Variants in ADAMTSL1 observed in about 807,000 individuals in gnomAD.
The protein encoded by ADAMTSL1 is ADAMTS-like protein 1.
A neutral mutation model predicts 201.8 loss-of-function variants in ADAMTSL1; 126 were observed. The observed-to-expected ratio is 0.62, with a 90% CI of 0.54 to 0.72. ADAMTSL1 has a LOEUF of 0.72. ADAMTSL1 is among the 30% of genes least tolerant of loss of function. The pLI is 0.00. For missense variants in ADAMTSL1, 2,679 were observed against 2,277.8 expected (o/e 1.18, Z -3.59); for synonymous variants, 1,121 against 903.4 (o/e 1.24, Z -4.32).
chr9:17,996,017 CT>C (rs1255916592), intron 1 of ADAMTSL1, among the ~76,000 whole-genome samples: 1 of 152,004 alleles, frequency 6.6e-6, no homozygotes, highest in East Asian at 1.9e-4. Flanking sequence ...AAAGCAAGTG[CT>C]TTATAAATGT....
intron 1 of ADAMTSL1, among the ~76,000 whole-genome samples, chr9:18,065,368 C>G (rs1359725372): frequency 6.6e-6 from 1 of 152,146 alleles, no homozygotes; most frequent in Non-Finnish European, 1.5e-5. Flanking sequence ...TGTGGATTAA[C>G]TCATGGTGTT....
intron 1 of ADAMTSL1, among the ~76,000 whole-genome samples, chr9:18,049,022 T>C (rs1490993322): frequency 6.6e-6 from 1 of 152,156 alleles, no homozygotes; most frequent in African/African-American, 2.4e-5. Context: ...CTGTCATTCA[T>C]GGTGTTTCTT....
chr9:18,866,478 G>C (rs1449604059), intron 23 of ADAMTSL1, among the ~76,000 whole-genome samples: 1 of 152,222 alleles, frequency 6.6e-6, no homozygotes, highest in African/African-American at 2.4e-5. Context: ...GCAGATGGCT[G>C]ACAATTTTGT....
At chr9:18,212,778 C>T (rs866803853) in intron 2 of ADAMTSL1, among the ~76,000 whole-genome samples, 2 of 152,180 alleles carry the variant, frequency 1.3e-5, no homozygotes, top group South Asian at 2.1e-4. Flanking sequence ...TGCCTTTTGC[C>T]TTTTTGGTGT....
chr9:18,737,212 G>A (rs941565163), intron 15 of ADAMTSL1, among the ~76,000 whole-genome samples: 14 of 151,652 alleles, frequency 9.2e-5, no homozygotes, highest in South Asian at 2.1e-4. Context: ...CCAGCTACTC[G>A]GGAGGCTGAG....
At position 18,206,707 on chromosome 9, in the gene ADAMTSL1, G is replaced by T. The variant is rs976786425; in HGVS notation, c.207+42726G>T. On this transcript the variant is annotated intron_variant, in intron 2 of 29. Transcript: ENST00000680146. ...AAAATATTTGTTGATGCTTCTTTGAGAATATGAATTCCTTATAAACAGAAG... is the reference window on the plus strand; with the variant it reads ...AAAATATTTGTTGATGCTTCTTTGATAATATGAATTCCTTATAAACAGAAG... Among the ~76,000 whole-genome samples the T allele has an allele frequency of 5.3e-5, 8 of 152,130 alleles. No individual in the cohort carries two copies. In the East Asian group the frequency reaches 1.5e-3, roughly 29 times the overall value.
intron 13 of ADAMTSL1, among the ~76,000 whole-genome samples, chr9:18,693,456 T>C (rs1831360011): frequency 6.6e-6 from 1 of 152,212 alleles, no homozygotes; most frequent in Non-Finnish European, 1.5e-5. Flanking sequence ...AACCTTTTCC[T>C]GCTGTAGGAG....
intron 1 of ADAMTSL1, among the ~76,000 whole-genome samples, chr9:18,032,729 T>C (rs1219612944): frequency 1.3e-5 from 2 of 152,132 alleles, no homozygotes; most frequent in East Asian, 3.9e-4. Flanking sequence ...TCCAGGCAGA[T>C]CCCCTTGCCA....
chr9:18,104,546 G>T (rs746769859), intron 1 of ADAMTSL1, among the ~76,000 whole-genome samples: 6 of 152,082 alleles, frequency 3.9e-5, no homozygotes, highest in Non-Finnish European at 8.8e-5. Flanking sequence ...GTAGGTACAC[G>T]TGGACATAGA....
intron 1 of ADAMTSL1, among the ~76,000 whole-genome samples, chr9:18,036,803 A>G (rs1821218942): frequency 6.6e-6 from 1 of 152,160 alleles, no homozygotes; most frequent in Non-Finnish European, 1.5e-5. Context: ...ATAGGTAGAA[A>G]TTTGCTTTAA....
At chr9:18,558,106 C>T (rs1415910153) in intron 3 of ADAMTSL1, among the ~76,000 whole-genome samples, 1 of 152,074 alleles carries the variant, frequency 6.6e-6, no homozygotes, top group African/African-American at 2.4e-5. Context: ...GTTTGCTGCA[C>T]CCATCAACCC....
chr9:18,875,308 G>T lies in ADAMTSL1; in HGVS notation c.4250-12523G>T, dbSNP rs1004161926. On this transcript the variant is annotated intron_variant, in intron 23 of 28. Coordinates refer to ENST00000380548, the MANE Select transcript of ADAMTSL1 (RefSeq NM_001040272.6). ...CTTCTGCTGGGTTTGGGTTTGGTTT[G>T]TTCTTGTTTCTCAAATTCCTTGAAG... 2.0e-5 allele frequency among the ~76,000 whole-genome samples: 3 copies of T among 151,996 alleles called. No homozygotes were observed. In the South Asian group the frequency reaches 6.3e-4, roughly 32 times the overall value.
At position 18,776,937 on chromosome 9, in the gene ADAMTSL1, G is replaced by A; in HGVS notation, c.2708G>A (p.Arg903Lys). Residue 903 changes from arginine (R) to lysine (K), a missense_variant, in exon 19 of 29, where the codon AGG becomes AAG. By Grantham distance (26) the Arg-to-Lys change is conservative. Coordinates refer to ENST00000380548, the MANE Select transcript of ADAMTSL1 (RefSeq NM_001040272.6). ...GTGGTGCTGCGCTGCCCGGCGCGCAGGGTCCGCAAGCCCCTCATCACCTGG... is the reference window on the plus strand; with the variant it reads ...GTGGTGCTGCGCTGCCCGGCGCGCAAGGTCCGCAAGCCCCTCATCACCTGG... Reference protein sequence around the residue: ...TAVVLRCPARRVRKPLITWEK... With the variant: ...TAVVLRCPARKVRKPLITWEK... The A allele has an allele frequency of 6.2e-7, 1 of 1,602,114 alleles. No individual in the cohort carries two copies.
At chr9:18,515,655 A>C (rs1023821039) in intron 2 of ADAMTSL1, among the ~76,000 whole-genome samples, 6 of 152,130 alleles carry the variant, frequency 3.9e-5, no homozygotes, top group African/African-American at 1.4e-4. Flanking sequence ...AACTTCTTTT[A>C]TGTTAAAAGG....
intron 2 of ADAMTSL1, among the ~76,000 whole-genome samples, chr9:18,312,988 G>A (rs2132803753): frequency 6.6e-6 from 1 of 152,278 alleles, no homozygotes; most frequent in Non-Finnish European, 1.5e-5. Flanking sequence ...TATAGTCTGT[G>A]GAGATAATAA....
At chr9:18,000,353 C>T (rs1819561882) in intron 1 of ADAMTSL1, among the ~76,000 whole-genome samples, 2 of 151,906 alleles carry the variant, frequency 1.3e-5, no homozygotes, top group African/African-American at 4.8e-5. Flanking sequence ...CTTTCCTTCC[C>T]CCCAACATAA....
rs75168030 is a variant in ADAMTSL1, at chr9:18,427,505, A to C, written c.208-77324A>C. 8.9e-3 allele frequency among the ~76,000 whole-genome samples: 1,353 copies of C among 152,384 alleles called. 20 individuals carry two copies. The highest frequency in any genetic ancestry group is 0.031 in the African/African-American group (1,289 of 41,592). On this transcript the variant is annotated intron_variant, in intron 2 of 29. Coordinates refer to the ADAMTSL1 transcript ENST00000680146. ...AGATATTATAGGAAGTTGATAAAGC[A>C]ACAATGGCAAAAGGAAAGAGAAATT...
At chr9:18,095,607 A>G (rs1057449813) in intron 1 of ADAMTSL1, among the ~76,000 whole-genome samples, 18 of 151,706 alleles carry the variant, frequency 1.2e-4, no homozygotes, top group African/African-American at 4.1e-4. Context: ...TATTTTTAGT[A>G]GAGATGGGGT....
At chr9:18,828,698 T>TATATATATATATA (rs1491367300) in intron 22 of ADAMTSL1, among the ~76,000 whole-genome samples, 1 of 49,994 alleles carries the variant, frequency 2.0e-5, no homozygotes, top group South Asian at 6.7e-4. Context: ...ATATATAAAA[T>TATATATATATATA]GTGTGTGTGT....
Sources: gnomAD v4.1 joint callset for allele counts (sites outside exome capture counted in the v4.1 genomes callset) on GRCh38, gnomAD v4.1.1 for gene constraint, MANE v1.5 for transcripts, NCBI Gene and HGNC (gene_info 2026-07-23, HGNC 2026-07-21) for gene names.